CCDC171: variants seen among roughly 807,000 people sequenced by gnomAD.
The protein encoded by CCDC171 is coiled-coil domain-containing protein 171.
Under a neutral mutation model 168.2 loss-of-function variants are expected in CCDC171, and 177 were observed. The ratio of observed to expected loss-of-function variants is 1.05; its 90% CI spans 0.93 to 1.19. The LOEUF (loss-of-function observed/expected upper bound fraction) is 1.19. Among genes scored for constraint, CCDC171 ranks in the 50% most tolerant of loss-of-function variants. The probability of loss-of-function intolerance (pLI) is 0.00; values close to 1 mark genes in which losing one functional copy is unlikely to be tolerated. For synonymous variants in CCDC171, 687 were observed against 540.8 expected, an observed-to-expected ratio of 1.27 and a Z score of -3.75; for missense variants, 1,991 against 1,539.0, an observed-to-expected ratio of 1.29 and a Z score of -4.91.
At chr9:15,563,882 A>T (rs927181698) in intron 1 of CCDC171, 96 bp from the exon 2 acceptor site, 1 of 518,408 alleles carries the variant, frequency 1.9e-6, no homozygotes. Flanking sequence ...TTCACTTATC[A>T]ATTATTACAT....
chr9:15,785,279 T>G (rs1441552795), intron 21 of CCDC171, among the ~76,000 whole-genome samples: 2 of 152,122 alleles, frequency 1.3e-5, no homozygotes, highest in African/African-American at 4.8e-5. Context: ...AGAATTCTAG[T>G]TTTTGATTAT....
chr9:15,764,732 G>A (rs2056629971), intron 18 of CCDC171, among the ~76,000 whole-genome samples: 2 of 152,352 alleles, frequency 1.3e-5, no homozygotes, highest in East Asian at 1.9e-4. Flanking sequence ...AGTGCTCTCA[G>A]TATAAGTGTT....
chr9:15,821,631 G>C lies in CCDC171; in HGVS notation c.3268-25071G>C, dbSNP rs1219451989. ...CCTAGGAATCCAACTTACAAGGGAC[G>C]TGAAGGACCTCTTCAAGGAGAACTA... On this transcript the variant is annotated intron_variant, in intron 21 of 25. Coordinates refer to ENST00000380701, the MANE Select transcript of CCDC171 (RefSeq NM_173550.4). 9.4e-5 allele frequency among the ~76,000 whole-genome samples: 11 copies of C among 116,706 alleles called. 4 individuals are homozygous for C. The highest frequency in any genetic ancestry group is 8.5e-4 in the South Asian group (3 of 3,534). 76.6% of individuals were successfully genotyped at this position (116,706 alleles called of 152,430 possible).
chr9:16,108,290 T>G, the CCDC171 span, among the ~76,000 whole-genome samples: 1 of 152,222 alleles, frequency 6.6e-6, no homozygotes, highest in South Asian at 2.1e-4. Flanking sequence ...GAGGCAGCAA[T>G]GATCCAGTAA....
chr9:15,707,545 T>G (rs1034278980), intron 11 of CCDC171, among the ~76,000 whole-genome samples: 1 of 152,226 alleles, frequency 6.6e-6, no homozygotes, highest in African/African-American at 2.4e-5. Flanking sequence ...CTTGTTCTCT[T>G]CTCTTTGGAT....
intron 7 of CCDC171, among the ~76,000 whole-genome samples, chr9:15,646,951 C>T (rs1269384251): frequency 6.6e-6 from 1 of 152,196 alleles, no homozygotes; most frequent in Non-Finnish European, 1.5e-5. Context: ...AATATACATT[C>T]TTCTCAGCAC....
chr9:16,096,076 A>G, the CCDC171 span, among the ~76,000 whole-genome samples: 1 of 152,062 alleles, frequency 6.6e-6, no homozygotes, highest in Non-Finnish European at 1.5e-5. Flanking sequence ...TCCAACAGGT[A>G]GAATTCTCTA....
chr9:15,903,965 A>G (rs1822111672), intron 24 of CCDC171, among the ~76,000 whole-genome samples: 1 of 152,208 alleles, frequency 6.6e-6, no homozygotes, highest in Non-Finnish European at 1.5e-5. Flanking sequence ...GTGAGAAGAG[A>G]AGTTTAGAGA....
intron 25 of CCDC171, among the ~76,000 whole-genome samples, chr9:15,950,642 A>G (rs1208651169): frequency 6.6e-6 from 1 of 152,168 alleles, no homozygotes; most frequent in Admixed American, 6.6e-5. Flanking sequence ...ATGGAAAGGA[A>G]CAACCGATAC....
At chr9:16,023,504 C>G (rs1275985096) in intron 6 of CCDC171, among the ~76,000 whole-genome samples, 1 of 152,066 alleles carries the variant, frequency 6.6e-6, no homozygotes, top group Non-Finnish European at 1.5e-5. Flanking sequence ...CTGATTTATT[C>G]CTATAGCTTG....
chr9:15,680,293 T>G (rs2049953032), intron 10 of CCDC171, among the ~76,000 whole-genome samples: 1 of 152,218 alleles, frequency 6.6e-6, no homozygotes, highest in Non-Finnish European at 1.5e-5. Context: ...GTGTAAAGTT[T>G]ATGGTAATAC....
upstream of CCDC171, among the ~76,000 whole-genome samples, chr9:16,039,678 T>A (rs1357281902): frequency 6.6e-6 from 1 of 152,124 alleles, no homozygotes; most frequent in Non-Finnish European, 1.5e-5. Context: ...TCCCAGCCCA[T>A]GGGAAAGGCA....
chr9:16,035,769 G>C (rs1433565125), intron 7 of CCDC171, among the ~76,000 whole-genome samples: 1 of 152,140 alleles, frequency 6.6e-6, no homozygotes, highest in Non-Finnish European at 1.5e-5. Flanking sequence ...ATTGATATTT[G>C]TTTCAACAAA....
chr9:15,758,908 G>C (rs1564357836), intron 18 of CCDC171, among the ~76,000 whole-genome samples: 2 of 152,234 alleles, frequency 1.3e-5, no homozygotes, highest in East Asian at 3.9e-4. Flanking sequence ...GGAACTATAA[G>C]TGCAATAAAC....
chr9:15,988,455 T>C (rs531126722), intron 3 of CCDC171, among the ~76,000 whole-genome samples: 2 of 152,326 alleles, frequency 1.3e-5, no homozygotes, highest in East Asian at 3.9e-4. Context: ...AGTTCCAAGA[T>C]GGCCGAATAG....
chr9:15,993,728 G>T (rs951515081), intron 3 of CCDC171, among the ~76,000 whole-genome samples: 1 of 152,024 alleles, frequency 6.6e-6, no homozygotes, highest in Admixed American at 6.6e-5. Context: ...AATCTACAAA[G>T]AACTCAAACA....
intron 3 of CCDC171, among the ~76,000 whole-genome samples, chr9:16,002,242 G>T (rs926158826): frequency 3.4e-5 from 5 of 145,208 alleles, no homozygotes; most frequent in African/African-American, 1.3e-4. Flanking sequence ...AGGAGGTCTT[G>T]CAGAAGAAGA....
At chr9:16,004,706 G>C (rs1040282021) in intron 3 of CCDC171, among the ~76,000 whole-genome samples, 1 of 152,128 alleles carries the variant, frequency 6.6e-6, no homozygotes, top group Non-Finnish European at 1.5e-5. Context: ...GTCTAAATTC[G>C]AGACCTCTGA....
At chr9:15,868,323 G>A (rs1178307629) in intron 23 of CCDC171, among the ~76,000 whole-genome samples, 1 of 151,974 alleles carries the variant, frequency 6.6e-6, no homozygotes, top group African/African-American at 2.4e-5. Flanking sequence ...AGAGTGTCAA[G>A]GTCTCTTTCC....
Sources: gnomAD v4.1 joint callset for allele counts (sites outside exome capture counted in the v4.1 genomes callset) on GRCh38, gnomAD v4.1.1 for gene constraint, MANE v1.5 for transcripts, NCBI Gene and HGNC (gene_info 2026-07-23, HGNC 2026-07-21) for gene names.